Variants in FSTL4 observed in about 807,000 individuals in gnomAD.
FSTL4 encodes the protein follistatin-related protein 4.
A neutral mutation model predicts 78.2 loss-of-function variants in FSTL4; 28 were observed. The ratio of observed to expected loss-of-function variants is 0.36; its 90% CI spans 0.27 to 0.49. The LOEUF is 0.49. Among genes scored for constraint, FSTL4 ranks in the 20% least tolerant of loss-of-function variants. FSTL4 has a pLI of 0.98. For synonymous variants in FSTL4, 422 were observed against 440.5 expected (o/e 0.96, Z 0.53); for missense variants, 922 against 1,084.9 (o/e 0.85, Z 2.11).
the FSTL4 span, among the ~76,000 whole-genome samples, chr5:133,782,056 C>T: frequency 6.6e-6 from 1 of 152,198 alleles, no homozygotes. Flanking sequence ...ACAGCAAACT[C>T]AGATTTACCC....
the FSTL4 span, among the ~76,000 whole-genome samples, chr5:133,801,304 C>T: frequency 2.3e-4 from 35 of 152,268 alleles, no homozygotes; most frequent in African/African-American, 8.2e-4. Flanking sequence ...CCGAAGAACA[C>T]GTGTTTATTT....
chr5:133,364,680 C>G (rs748341635), intron 4 of FSTL4, among the ~76,000 whole-genome samples: 4 of 152,164 alleles, frequency 2.6e-5, no homozygotes, highest in Non-Finnish European at 2.9e-5. Flanking sequence ...TGTAGAATTT[C>G]AATTTTGTCC....
At chr5:133,332,981 C>T (rs150408154) in intron 4 of FSTL4, among the ~76,000 whole-genome samples, 95 of 152,254 alleles carry the variant, frequency 6.2e-4, no homozygotes, top group African/African-American at 2.1e-3. Flanking sequence ...GGTCCTTGCA[C>T]GTGCAGGTGT....
the FSTL4 span, among the ~76,000 whole-genome samples, chr5:133,694,605 G>A: frequency 1.3e-5 from 2 of 152,234 alleles, no homozygotes; most frequent in African/African-American, 4.8e-5. Context: ...GGAGCACACA[G>A]TACCCTCCTA....
intron 6 of FSTL4, among the ~76,000 whole-genome samples, chr5:133,301,752 C>T (rs184391086): frequency 2.0e-5 from 3 of 152,284 alleles, no homozygotes; most frequent in Non-Finnish European, 2.9e-5. Context: ...CCAGGCGGCT[C>T]GCACAGAGGC....
intron 6 of FSTL4, among the ~76,000 whole-genome samples, chr5:133,310,430 A>G (rs542627127): frequency 6.6e-6 from 1 of 152,332 alleles, no homozygotes; most frequent in Non-Finnish European, 1.5e-5. Context: ...AGGGTAGCTC[A>G]TGTTTACAAT....
chr5:133,199,309 C>G lies in FSTL4; in HGVS notation c.2315G>C (p.Gly772Ala). The change falls in exon 16 of 16, where the codon GGC (glycine) becomes GCC (alanine). Residue 772 changes from glycine to alanine, a missense_variant. Gly to Ala is a moderately conservative substitution (Grantham distance 60). Transcript: ENST00000265342. The surrounding 1 kb of genome is among the most constrained non-coding windows in gnomAD (Gnocchi z 4.4). ...TGGCTCCTTTAAGTTCTTCAGCATGCCCACCTTCCCCGTGGACAGCTCCAG... is the reference window on the plus strand; with the variant it reads ...TGGCTCCTTTAAGTTCTTCAGCATGGCCACCTTCCCCGTGGACAGCTCCAG... ...LFLELSTGKVGMLKNLKEPPA... is the reference protein window; with the variant it reads ...LFLELSTGKVAMLKNLKEPPA... 6.2e-7 allele frequency: 1 copy of G among 1,614,042 alleles called. No homozygotes were observed. The highest frequency in any genetic ancestry group is 2.2e-5 in the East Asian group (1 of 44,874).
At chr5:133,379,234 T>G (rs1184857890) in intron 4 of FSTL4, among the ~76,000 whole-genome samples, 1 of 151,896 alleles carries the variant, frequency 6.6e-6, no homozygotes, top group African/African-American at 2.4e-5. Flanking sequence ...CATATACACA[T>G]CTAACAAGAA....
chr5:133,579,682 C>T (rs945398677), intron 2 of FSTL4, among the ~76,000 whole-genome samples: 5 of 152,162 alleles, frequency 3.3e-5, no homozygotes, highest in African/African-American at 1.2e-4. Flanking sequence ...CATGATATTC[C>T]AATCTGCTAC....
At chr5:133,436,216 G>C (rs1381840995) in intron 3 of FSTL4, among the ~76,000 whole-genome samples, 1 of 152,218 alleles carries the variant, frequency 6.6e-6, no homozygotes, top group African/African-American at 2.4e-5. Flanking sequence ...TATGAGCTAA[G>C]TGCTACAAAA....
intron 3 of FSTL4, among the ~76,000 whole-genome samples, chr5:133,445,667 G>C (rs915478168): frequency 6.6e-6 from 1 of 152,218 alleles, no homozygotes; most frequent in African/African-American, 2.4e-5. Context: ...GTAGCTGGGA[G>C]TATGCCAGGA....
chr5:133,210,170 G>A (rs750671086), intron 14 of FSTL4, 21 bp downstream of exon 14: 9 of 1,250,542 alleles, frequency 7.2e-6, no homozygotes, highest in South Asian at 4.8e-5. Flanking sequence ...GTGGGTATCA[G>A]CCTCCATGTG....
chr5:133,651,057 AG>A, the FSTL4 span, among the ~76,000 whole-genome samples: 1 of 152,216 alleles, frequency 6.6e-6, no homozygotes, highest in Non-Finnish European at 1.5e-5. Context: ...CATACAGAAA[AG>A]CAATCGACAC....
chr5:133,507,205 C>A (rs1487026419), intron 3 of FSTL4, among the ~76,000 whole-genome samples: 1 of 151,704 alleles, frequency 6.6e-6, no homozygotes, highest in Non-Finnish European at 1.5e-5. Context: ...GACTCTGTCT[C>A]AAAAAATAAA....
chr5:133,318,080 T>A (rs1753953064), intron 4 of FSTL4, among the ~76,000 whole-genome samples: 1 of 152,214 alleles, frequency 6.6e-6, no homozygotes, highest in Non-Finnish European at 1.5e-5. Context: ...TTGATTTCTG[T>A]CAGAAACAGA....
intron 3 of FSTL4, among the ~76,000 whole-genome samples, chr5:133,542,736 A>AT (rs2112920600): frequency 6.6e-6 from 1 of 152,280 alleles, no homozygotes; most frequent in African/African-American, 2.4e-5. Flanking sequence ...TTGGTGAAAT[A>AT]AGATTCTATT....
the FSTL4 span, among the ~76,000 whole-genome samples, chr5:133,677,101 T>A: frequency 7.2e-5 from 11 of 152,236 alleles, no homozygotes; most frequent in Admixed American, 7.2e-4. Context: ...GAAAAGATAG[T>A]GCTTGTAAAA....
chr5:133,525,484 G>A (rs189891347), intron 3 of FSTL4, among the ~76,000 whole-genome samples: 1 of 152,334 alleles, frequency 6.6e-6, no homozygotes, highest in African/African-American at 2.4e-5. Flanking sequence ...TGGATCCATA[G>A]CTTTCTCATT....
At chr5:133,550,149 T>G (rs1012644017) in intron 3 of FSTL4, among the ~76,000 whole-genome samples, 2 of 152,266 alleles carry the variant, frequency 1.3e-5, no homozygotes, top group Non-Finnish European at 2.9e-5. Flanking sequence ...CTTTAGTTCC[T>G]GCTTTCTCAC....
Sources: gnomAD v4.1 joint callset for allele counts (sites outside exome capture counted in the v4.1 genomes callset) on GRCh38, gnomAD v4.1.1 for gene constraint, Gnocchi (gnomAD v3.1) non-coding constraint, MANE v1.5 for transcripts, NCBI Gene and HGNC (gene_info 2026-07-23, HGNC 2026-07-21) for gene names.